The following STON1 variants were observed in gnomAD, a reference collection of about 807,000 sequenced individuals.
STON1 encodes stonin 1, also known as stonin-1.
Under a neutral mutation model 60.9 loss-of-function variants are expected in STON1, and 79 were observed. The ratio of observed to expected loss-of-function variants is 1.30; its 90% confidence interval spans 1.08 to 1.56. STON1 has a LOEUF of 1.56. STON1 is among the 40% of genes most tolerant of loss of function. The pLI is 0.00. For synonymous variants in STON1, 363 were observed against 306.9 expected, an observed-to-expected ratio of 1.18 and a Z score of -1.91; for missense variants, 1,166 against 858.9, an observed-to-expected ratio of 1.36 and a Z score of -4.47.
In STON1 at chr2:48,591,716, C is replaced by G. The variant is rs1346105862; in HGVS notation, c.1994C>G (p.Ser665Cys). Residue 665 changes from serine (S) to cysteine (C), a missense_variant, in exon 3 of 4, where the codon TCT becomes TGT. Transcript: ENST00000404752. ...LELGSDQEIP[S>C]DWYPFATVQF... ...CTTGGATCAGACCAAGAAATTCCCT[C>G]TGATTGGTATCCATTTGCTACTGTT... is the stretch of plus-strand genomic sequence containing the variant. 1.2e-6 allele frequency: 2 copies of G among 1,614,146 alleles called. No individual in the cohort carries two copies. Among genetic ancestry groups the G allele is most frequent in the South Asian group, 1.1e-5 (1 of 91,076 alleles).
rs769953951 is a variant in STON1, at chr2:48,554,279, T to A, written c.-48+24063T>A. ...CTTTGTCGCCCGAGCTGGAGGGCAATGACACAATCTCGGCTCACTGCAACC... is the reference window on the plus strand; with the variant it reads ...CTTTGTCGCCCGAGCTGGAGGGCAAAGACACAATCTCGGCTCACTGCAACC... On this transcript the variant is annotated intron_variant, in intron 1 of 3. Transcript: ENST00000404752. 9.2e-5 allele frequency among the ~76,000 whole-genome samples: 14 copies of A among 152,156 alleles called. No individual in the cohort carries two copies. In the South Asian group the frequency reaches 1.9e-3, roughly 20 times the overall value.
Position 48,591,176 on chromosome 2 carries a change from C to G in STON1, c.1931-477C>G, listed in dbSNP as rs569287131. ...AAAACAATTAAGTTTAAGCATATTA[C>G]TATATTGTTTAATATAAATTAAACA... On this transcript the variant is annotated intron_variant, in intron 2 of 3. Coordinates refer to ENST00000404752, the MANE Select transcript of STON1 (RefSeq NM_006873.4). 4.7e-5 allele frequency among the ~76,000 whole-genome samples: 7 copies of G among 150,076 alleles called. No homozygotes were observed. In the East Asian group the frequency reaches 7.8e-4, roughly 17 times the overall value.
At chr2:48,561,361 C>G (rs1672601613) in intron 1 of STON1, among the ~76,000 whole-genome samples, 1 of 152,228 alleles carries the variant, frequency 6.6e-6, no homozygotes, top group African/African-American at 2.4e-5. Context: ...TGCCCTTTCT[C>G]CCTTCCGATT....
chr2:48,530,551 C>G (rs1222440265), intron 1 of STON1: 3 of 154,648 alleles, frequency 1.9e-5, no homozygotes, highest in African/African-American at 7.2e-5. Context: ...GGCTCGTTCT[C>G]ACCCGCGCGC....
intron 1 of STON1, among the ~76,000 whole-genome samples, chr2:48,564,550 TTC>T (rs1184708323): frequency 1.9e-5 from 1 of 52,580 alleles, no homozygotes; most frequent in Non-Finnish European, 4.0e-5. Context: ...CTTCTTCTTC[TTC>T]TTCTTCTTCT....
In STON1 at chr2:48,570,843, GTTTTTTTTTTTTT is replaced by G. The variant is rs70946811; in HGVS notation, c.-47-9728_-47-9716del. Among the ~76,000 whole-genome samples the G allele has an allele frequency of 8.0e-4, 62 of 77,118 alleles. 2 individuals are homozygous for G. Among genetic ancestry groups the G allele is most frequent in the East Asian group, 1.3e-3 (3 of 2,358 alleles). The allele number at this position is 77,118 out of a possible 152,430, so 50.6% of individuals were successfully genotyped here. ...ATCTTGATGTCTCAACTGTCTCTGA[GTTTTTTTTTTTTT>G]TTTTTTTTTTTTTTTGTCTTTCCCC... On this transcript the variant is annotated intron_variant, in intron 1 of 3. Transcript: ENST00000404752.
intron 1 of STON1, among the ~76,000 whole-genome samples, chr2:48,574,145 G>A (rs996178384): frequency 6.6e-6 from 1 of 152,140 alleles, no homozygotes; most frequent in African/African-American, 2.4e-5. Context: ...GGAGGCCGAG[G>A]CAGGTGGATC....
At position 48,595,722 on chromosome 2, in the gene STON1, T is replaced by C. The variant is rs1317472608; in HGVS notation, c.*420T>C. On this transcript the variant is annotated 3_prime_UTR_variant, in exon 4 of 4. Transcript: ENST00000404752. Reference sequence around the variant, plus strand: ...GAGGGTAAGGGAATCAAAGGAGACATAAACCAAAATAGTTAATTTTCCCTC... The same window carrying C: ...GAGGGTAAGGGAATCAAAGGAGACACAAACCAAAATAGTTAATTTTCCCTC... 1 of 165,796 alleles carries C rather than the reference T, an allele frequency of 6.0e-6. No individual in the cohort carries two copies. Among genetic ancestry groups the C allele is most frequent in the African/African-American group, 2.4e-5 (1 of 41,614 alleles). 10.3% of individuals were successfully genotyped at this position (165,796 alleles called of 1,614,324 possible).
intron 1 of STON1, among the ~76,000 whole-genome samples, chr2:48,550,914 C>G (rs1572936881): frequency 6.6e-6 from 1 of 152,016 alleles, no homozygotes; most frequent in East Asian, 1.9e-4. Flanking sequence ...TTTGTTCAAC[C>G]TCTAAGTGAG....
Position 48,591,664 on chromosome 2 carries a change from C to T in STON1, c.1942C>T (p.Pro648Ser), listed in dbSNP as rs772142789. 3 of 1,613,900 alleles carry T rather than the reference C, an allele frequency of 1.9e-6. No homozygotes were observed. Among genetic ancestry groups the T allele is most frequent in the Non-Finnish European group, 1.7e-6 (2 of 1,180,016 alleles). Residue 648 changes from proline (P) to serine (S), a missense_variant, in exon 3 of 4, where the codon CCC (proline) becomes TCC (serine). By Grantham distance (74) the Pro-to-Ser change is moderately conservative. Coordinates refer to ENST00000404752, the MANE Select transcript of STON1 (RefSeq NM_006873.4). ...LPDKNSSLDH[P>S]HCLSYKLELG... ...TTTTTTCCCTCGAGGTCTAGATCAT[C>T]CCCATTGTCTGTCATACAAATTAGA... is the stretch of plus-strand genomic sequence containing the variant.
intron 1 of STON1, among the ~76,000 whole-genome samples, chr2:48,550,999 T>C (rs114592401): frequency 6.6e-6 from 1 of 151,832 alleles, no homozygotes; most frequent in African/African-American, 2.4e-5. Context: ...ATTTTTTCTT[T>C]CTTTTACTGG....
At chr2:48,584,531 G>A (rs918728208) in intron 2 of STON1, among the ~76,000 whole-genome samples, 1 of 152,038 alleles carries the variant, frequency 6.6e-6, no homozygotes, top group African/African-American at 2.4e-5. Flanking sequence ...GCCTCCCAAA[G>A]TGTTGGGATT....
rs1241898892 is a variant in STON1 at position 48,564,405 on chromosome 2, G to GTCTTCT, written c.-47-16111_-47-16106dup. On this transcript the variant is annotated intron_variant, in intron 1 of 3. Transcript: ENST00000404752. ...TAGGTCCTCCAGTGGCAGTGGCGGT[G>GTCTTCT]TCTTCTTCTTCTTCTTCTTCTTCTT... is the stretch of plus-strand genomic sequence containing the variant. Among the ~76,000 whole-genome samples, 466 of 82,328 alleles carry GTCTTCT rather than the reference G, an allele frequency of 5.7e-3. 12 individuals carry two copies. The highest frequency in any genetic ancestry group is 0.011 in the South Asian group (22 of 1,982). 54.0% of individuals were successfully genotyped at this position (82,328 alleles called of 152,430 possible).
chr2:48,533,794 A>G (rs1173259942), intron 1 of STON1, among the ~76,000 whole-genome samples: 2 of 132,480 alleles, frequency 1.5e-5, no homozygotes, highest in African/African-American at 5.7e-5. Context: ...TTTGAGACAA[A>G]GTTTTGCTCT....
chr2:48,547,320 G>T (rs1197083267), intron 1 of STON1, among the ~76,000 whole-genome samples: 5 of 152,204 alleles, frequency 3.3e-5, no homozygotes, highest in African/African-American at 1.2e-4. Flanking sequence ...ATGAATTTGG[G>T]ACTCTGATTT....
At chr2:48,553,806 G>T (rs1672199874) in intron 1 of STON1, among the ~76,000 whole-genome samples, 1 of 152,144 alleles carries the variant, frequency 6.6e-6, no homozygotes, top group Admixed American at 6.5e-5. Context: ...CTTCTTAGGA[G>T]AATTGATCCT....
In STON1 at chr2:48,597,446, G is replaced by T. The variant is rs1674830134; in HGVS notation, c.*2144G>T. On this transcript the variant is annotated 3_prime_UTR_variant, in exon 4 of 4. Coordinates refer to ENST00000404752, the MANE Select transcript of STON1 (RefSeq NM_006873.4). ...GCATCCTGCCCACAAAGAACTCACA[G>T]TCTGATTAGGATGAACTTAATGACT... is the stretch of plus-strand genomic sequence containing the variant. 1 of 152,206 alleles carries T rather than the reference G, an allele frequency of 6.6e-6. No individual in the cohort carries two copies. The highest frequency in any genetic ancestry group is 1.5e-5 in the Non-Finnish European group (1 of 68,040). The allele number at this position is 152,206 out of a possible 1,614,324, so 9.4% of individuals were successfully genotyped here. A position where few individuals can be genotyped will look rare whatever the true frequency, so the allele number is the denominator to read the frequency against.
Position 48,581,048 on chromosome 2 carries a change from GAC to G in STON1, c.416_417del (p.Asp139AlafsTer15). On this transcript the variant is annotated frameshift_variant, in exon 2 of 4. Transcript: ENST00000404752. LOFTEE classifies it high-confidence loss of function. ...TCLSHALLPS[D>X]HSCTHPTPKV... ...TTTATCCCATGCCTTGTTACCCAGT[GAC>G]CACTCATGTACACATCCAACTCCCA... 1 of 1,582,142 alleles carries G rather than the reference GAC, an allele frequency of 6.3e-7. No individual in the cohort carries two copies. Among genetic ancestry groups the G allele is most frequent in the Non-Finnish European group, 8.6e-7 (1 of 1,167,562 alleles).
At chr2:48,550,630 A>G (rs1190942554) in intron 1 of STON1, among the ~76,000 whole-genome samples, 3 of 150,588 alleles carry the variant, frequency 2.0e-5, no homozygotes, top group Non-Finnish European at 3.0e-5. Context: ...TAACCAAACC[A>G]TGGGAATATG....
Sources: gnomAD v4.1 joint callset for allele counts (sites outside exome capture counted in the v4.1 genomes callset) on GRCh38, gnomAD v4.1.1 for gene constraint, MANE v1.5 for transcripts, NCBI Gene and HGNC (gene_info 2026-07-23, HGNC 2026-07-21) for gene names.